The following NRXN1 variants were observed in gnomAD, a reference collection of about 807,000 sequenced individuals.
NRXN1 encodes the protein neurexin 1.
A neutral mutation model predicts 150.9 loss-of-function variants in NRXN1; 39 were observed. The ratio of observed to expected loss-of-function variants is 0.26; its 90% CI spans 0.20 to 0.34. NRXN1 has a LOEUF of 0.34. Ranked by LOEUF, NRXN1 falls within the 10% of genes least tolerant of loss-of-function variation. The pLI is 1.00. For synonymous variants in NRXN1, 924 were observed against 757.0 expected (o/e 1.22, Z -3.62); for missense variants, 1,815 against 1,949.9 (o/e 0.93, Z 1.30).
Position 50,507,658 on chromosome 2 carries a change from C to G in NRXN1, c.2375-1041G>C, listed in dbSNP as rs1305322596. Among the ~76,000 whole-genome samples the G allele has an allele frequency of 9.9e-5, 10 of 101,242 alleles. No homozygotes were observed. In the South Asian group the frequency reaches 2.5e-3, roughly 25 times the overall value. The allele number at this position is 101,242 out of a possible 152,430, so 66.4% of individuals were successfully genotyped here. ...CCTCAAAAAAAAAAAAAAAAAAAAG[C>G]AAGGGAAAATGCTTTTAACATAACC... On this transcript the variant is annotated intron_variant, in intron 12 of 22. Transcript: ENST00000401669.
At chr2:50,644,889 T>C (rs1055980846) in intron 5 of NRXN1, among the ~76,000 whole-genome samples, 2 of 145,896 alleles carry the variant, frequency 1.4e-5, no homozygotes, top group African/African-American at 2.7e-5. Context: ...TTTATATTTC[T>C]TTTTCAAATG....
chr2:50,899,168 T>G (rs1297466235), intron 5 of NRXN1, among the ~76,000 whole-genome samples: 1 of 152,182 alleles, frequency 6.6e-6, no homozygotes, highest in Admixed American at 6.5e-5. Context: ...TTAATCCTGA[T>G]TTTCACTTAC....
chr2:50,909,713 A>G (rs62140659), intron 5 of NRXN1, among the ~76,000 whole-genome samples: 13,651 of 151,950 alleles, frequency 0.09, 689 homozygotes, highest in South Asian at 0.12. Flanking sequence ...ACACACCCAA[A>G]AAGGGAGCTG....
intron 5 of NRXN1, among the ~76,000 whole-genome samples, chr2:50,866,696 T>G (rs547807819): frequency 1.3e-5 from 2 of 152,058 alleles, no homozygotes; most frequent in Non-Finnish European, 2.9e-5. Context: ...AACAACGGAA[T>G]GATTATATTA....
intron 17 of NRXN1, among the ~76,000 whole-genome samples, chr2:50,399,554 C>G (rs1389062886): frequency 6.6e-6 from 1 of 151,748 alleles, no homozygotes; most frequent in Non-Finnish European, 1.5e-5. Context: ...GCCCTTTGCT[C>G]TTTCAAGGGC....
intron 21 of NRXN1, among the ~76,000 whole-genome samples, chr2:49,974,776 A>G (rs1197171496): frequency 6.7e-6 from 1 of 148,240 alleles, no homozygotes; most frequent in African/African-American, 2.5e-5. Flanking sequence ...TTGGCCAATT[A>G]CAACTGTTGC....
chr2:50,297,578 T>C (rs1283272533), intron 17 of NRXN1, among the ~76,000 whole-genome samples: 1 of 152,212 alleles, frequency 6.6e-6, no homozygotes, highest in Admixed American at 6.5e-5. Context: ...CTCTGCCCTA[T>C]TTCAACGTTT....
At chr2:50,704,727 C>T (rs1362368816) in intron 5 of NRXN1, among the ~76,000 whole-genome samples, 1 of 151,140 alleles carries the variant, frequency 6.6e-6, no homozygotes, top group African/African-American at 2.4e-5. Flanking sequence ...GATCTCATTA[C>T]TTATGATTAA....
At chr2:51,009,599 G>A (rs1229016219) in intron 2 of NRXN1, among the ~76,000 whole-genome samples, 2 of 152,078 alleles carry the variant, frequency 1.3e-5, no homozygotes, top group South Asian at 2.1e-4. Flanking sequence ...TAACATACAT[G>A]TGTATGAAGT....
chr2:50,717,026 C>G (rs1695954338), intron 5 of NRXN1, among the ~76,000 whole-genome samples: 2 of 151,978 alleles, frequency 1.3e-5, no homozygotes, highest in African/African-American at 2.4e-5. Context: ...AGTCCATTAC[C>G]CAATGGAGCC....
intron 21 of NRXN1, among the ~76,000 whole-genome samples, chr2:50,036,521 T>A (rs141916176): frequency 6.6e-6 from 1 of 152,342 alleles, no homozygotes; most frequent in Non-Finnish European, 1.5e-5. Context: ...CATTTGTCTT[T>A]GATTTTTAGC....
intron 19 of NRXN1, among the ~76,000 whole-genome samples, chr2:50,055,322 A>T (rs756440347): frequency 3.3e-5 from 5 of 152,326 alleles, no homozygotes; most frequent in South Asian, 2.1e-4. Context: ...CAACCAATTT[A>T]AACAGCATAT....
chr2:50,617,292 G>A (rs1679216977), intron 8 of NRXN1, among the ~76,000 whole-genome samples: 1 of 152,008 alleles, frequency 6.6e-6, no homozygotes, highest in Non-Finnish European at 1.5e-5. Flanking sequence ...AAAATTAGCT[G>A]GGTGTGGTGG....
chr2:50,988,941 A>G (rs1698126351), intron 2 of NRXN1, among the ~76,000 whole-genome samples: 1 of 151,808 alleles, frequency 6.6e-6, no homozygotes, highest in African/African-American at 2.4e-5. Flanking sequence ...GCTTTATGAC[A>G]ACTTCTCTCC....
At chr2:50,924,739 T>G (rs775758798) in intron 3 of NRXN1, among the ~76,000 whole-genome samples, 20 of 151,888 alleles carry the variant, frequency 1.3e-4, no homozygotes, top group Non-Finnish European at 2.4e-4. Context: ...AGTTTTAATC[T>G]ATTTTATTTA....
At position 50,745,304 on chromosome 2, in the gene NRXN1, C is replaced by CG. The variant is rs907692126; in HGVS notation, c.833-121690_833-121689insC. Among the ~76,000 whole-genome samples the CG allele has an allele frequency of 3.4e-4, 49 of 145,890 alleles. 1 individual carries two copies. Among genetic ancestry groups the CG allele is most frequent in the East Asian group, 1.9e-3 (9 of 4,688 alleles). ...TTATTTTTATATTTATATCTGCCCC[C>CG]CCCCAGGACTGAAAAAAAACCACTT... is the stretch of plus-strand genomic sequence containing the variant. On this transcript the variant is annotated intron_variant, in intron 5 of 22. Coordinates refer to ENST00000401669, the MANE Select transcript of NRXN1 (RefSeq NM_001330078.2).
At chr2:50,087,350 T>G (rs1698935316) in intron 19 of NRXN1, among the ~76,000 whole-genome samples, 2 of 152,166 alleles carry the variant, frequency 1.3e-5, no homozygotes, top group Non-Finnish European at 2.9e-5. Flanking sequence ...TTTGACCTTG[T>G]GTAGAGTGTA....
At chr2:50,036,461 C>T (rs1027654513) in intron 21 of NRXN1, among the ~76,000 whole-genome samples, 6 of 152,094 alleles carry the variant, frequency 3.9e-5, no homozygotes, top group Non-Finnish European at 1.5e-5. Flanking sequence ...TACTACAAGG[C>T]TTCTAATTGT....
intron 8 of NRXN1, among the ~76,000 whole-genome samples, chr2:50,617,780 A>T (rs930948413): frequency 6.6e-5 from 10 of 150,458 alleles, no homozygotes; most frequent in Admixed American, 3.3e-4. Flanking sequence ...AGGCCAATAT[A>T]AAAAAAAATG....
Sources: allele counts gnomAD v4.1 joint callset (sites outside exome capture counted in the v4.1 genomes callset), GRCh38; gene constraint gnomAD v4.1.1; transcripts MANE v1.5; gene names NCBI Gene and HGNC (gene_info 2026-07-23, HGNC 2026-07-21).